Variants in ZNF146 observed in about 807,000 individuals in gnomAD.
ZNF146 encodes zinc finger protein OZF.
ZNF146 carries 9 observed loss-of-function variants against 22.2 expected under a neutral mutation model. That is an observed-to-expected ratio of 0.41 (90% CI 0.24 to 0.71). ZNF146 has a LOEUF of 0.71. ZNF146 is among the 30% of genes least tolerant of loss of function. The pLI is 0.34. For missense variants in ZNF146, 194 were observed against 344.8 expected (o/e 0.56, Z 3.46); for synonymous variants, 108 against 119.2 (o/e 0.91, Z 0.61).
At chr19:36,221,920 T>C (rs1010491853) in intron 2 of ZNF146, among the ~76,000 whole-genome samples, 21 of 135,630 alleles carry the variant, frequency 1.5e-4, no homozygotes, top group African/African-American at 5.0e-4. Flanking sequence ...CCCTTCCTTT[T>C]TTCTTTCTTT....
chr19:36,228,602 G>A (rs527839063), intron 2 of ZNF146, 146 bp from the exon 3 acceptor site: 4 of 152,362 alleles, frequency 2.6e-5, no homozygotes, highest in Non-Finnish European at 5.9e-5. Flanking sequence ...CACTAAGGCA[G>A]AAGGTCATTA....
At chr19:36,221,838 C>T (rs1299560665) in intron 2 of ZNF146, among the ~76,000 whole-genome samples, 1 of 151,242 alleles carries the variant, frequency 6.6e-6, no homozygotes, top group Non-Finnish European at 1.5e-5. Context: ...CTCCACCTTA[C>T]ATAAAAGATA....
At chr19:36,228,158 C>CAAAAAAAAAAAAAAAA (rs71171422) in intron 2 of ZNF146, among the ~76,000 whole-genome samples, 1 of 106,644 alleles carries the variant, frequency 9.4e-6, no homozygotes. Context: ...GAAACTGTCT[C>CAAAAAAAAAAAAAAAA]AAAAAAAAAA....
intron 2 of ZNF146, among the ~76,000 whole-genome samples, chr19:36,222,873 GT>G (rs1271555169): frequency 7.8e-6 from 1 of 128,220 alleles, no homozygotes; most frequent in African/African-American, 2.8e-5. Flanking sequence ...AAGAGGTTTT[GT>G]TTTAATTTAG....
chr19:36,219,121 T>C (rs1024601848), intron 2 of ZNF146, among the ~76,000 whole-genome samples: 1 of 152,196 alleles, frequency 6.6e-6, no homozygotes, highest in African/African-American at 2.4e-5. Context: ...TAAAATTTTC[T>C]GTGGATATTT....
intron 1 of ZNF146, among the ~76,000 whole-genome samples, chr19:36,215,452 G>C (rs1375892710): frequency 6.6e-6 from 1 of 152,162 alleles, no homozygotes; most frequent in Non-Finnish European, 1.5e-5. Context: ...CTAAGAGGGA[G>C]ATGTAGGAGA....
chr19:36,226,180 C>G (rs532104965), intron 2 of ZNF146, among the ~76,000 whole-genome samples: 37 of 152,312 alleles, frequency 2.4e-4, no homozygotes, highest in African/African-American at 8.7e-4. Flanking sequence ...TATCCAACTG[C>G]CTAATCGATC....
intron 3 of ZNF146, among the ~76,000 whole-genome samples, chr19:36,232,336 G>C (rs1977418353): frequency 6.6e-6 from 1 of 151,732 alleles, no homozygotes. Flanking sequence ...CTTGAATTCA[G>C]TTTTCATTAA....
chr19:36,233,807 G>T (rs1440740754), intron 3 of ZNF146, among the ~76,000 whole-genome samples: 1 of 152,202 alleles, frequency 6.6e-6, no homozygotes, highest in Non-Finnish European at 1.5e-5. Context: ...GCTTTACACG[G>T]AGACATTCCA....
chr19:36,218,912 C>CA (rs966817825), intron 2 of ZNF146, among the ~76,000 whole-genome samples: 6 of 151,810 alleles, frequency 4.0e-5, no homozygotes, highest in African/African-American at 1.5e-4. Context: ...AGGTTCACGC[C>CA]ATTCTCCAGC....
chr19:36,234,207 G>A (rs1439701375), intron 3 of ZNF146, among the ~76,000 whole-genome samples: 2 of 152,166 alleles, frequency 1.3e-5, no homozygotes, highest in African/African-American at 4.8e-5. Flanking sequence ...TGGGGGTAGG[G>A]TTACAGATTA....
chr19:36,236,617 C>G lies in ZNF146; in HGVS notation c.177C>G (p.Val59=), dbSNP rs746024987. 6.2e-7 allele frequency: 1 copy of G among 1,614,074 alleles called. No homozygotes were observed. The highest frequency in any genetic ancestry group is 1.1e-5 in the South Asian group (1 of 91,064). Residue 59 remains valine (V), a synonymous_variant, in exon 4 of 4, where the codon GTC becomes GTG. Coordinates refer to ENST00000443387, the MANE Select transcript of ZNF146 (RefSeq NM_007145.3). ...CGKAFSQKQY[V]IKHQNTHTGE... ...AAGCCTTTAGCCAAAAGCAGTATGT[C>G]ATTAAACATCAGAACACCCATACTG...
intron 2 of ZNF146, among the ~76,000 whole-genome samples, chr19:36,221,634 T>G (rs1410304829): frequency 1.3e-5 from 2 of 152,200 alleles, no homozygotes; most frequent in African/African-American, 2.4e-5. Flanking sequence ...TTGAAGTAAG[T>G]AATGCATTTC....
At chr19:36,224,515 G>A (rs910169853) in intron 2 of ZNF146, among the ~76,000 whole-genome samples, 1 of 152,220 alleles carries the variant, frequency 6.6e-6, no homozygotes, top group African/African-American at 2.4e-5. Flanking sequence ...TAGCCCAGGT[G>A]TAACAACCAG....
At chr19:36,217,256 T>C (rs1245527687) in intron 1 of ZNF146, among the ~76,000 whole-genome samples, 1 of 151,104 alleles carries the variant, frequency 6.6e-6, no homozygotes, top group Non-Finnish European at 1.5e-5. Context: ...AGAGACAGGG[T>C]TTTACCATGT....
Position 36,236,458 on chromosome 19 carries a change from G to C in ZNF146, c.18G>C (p.Gln6His), listed in dbSNP as rs758929215. 1 of 1,606,128 alleles carries C rather than the reference G, an allele frequency of 6.2e-7. No homozygotes were observed. Among genetic ancestry groups the C allele is most frequent in the Non-Finnish European group, 8.5e-7 (1 of 1,175,626 alleles). The change falls in exon 4 of 4, where the codon CAG (glutamine) becomes CAC (histidine). Residue 6 changes from glutamine to histidine, a missense_variant. Coordinates refer to ENST00000443387, the MANE Select transcript of ZNF146 (RefSeq NM_007145.3). MSHLS[Q>H]QRIYSGENPF... ...CCATTCAGATGTCACACCTCAGCCA[G>C]CAGAGAATTTACAGTGGGGAAAACC...
At chr19:36,217,466 A>T (rs1976659928) in intron 1 of ZNF146, among the ~76,000 whole-genome samples, 1 of 152,182 alleles carries the variant, frequency 6.6e-6, no homozygotes, top group Non-Finnish European at 1.5e-5. Flanking sequence ...ACAACAAAAT[A>T]ATACATAGCT....
intron 2 of ZNF146, among the ~76,000 whole-genome samples, chr19:36,218,620 C>T (rs1976711566): frequency 1.3e-5 from 2 of 151,700 alleles, no homozygotes; most frequent in Admixed American, 1.3e-4. Flanking sequence ...TGCCAGCCAC[C>T]ACGCCTGGCT....
At chr19:36,228,388 G>T (rs932392583) in intron 2 of ZNF146, 1 of 152,178 alleles carries the variant, frequency 6.6e-6, no homozygotes, top group Admixed American at 6.5e-5. Context: ...ACCCTGAGTG[G>T]GAGTGTGGTG....
Sources: gnomAD v4.1 joint callset for allele counts (sites outside exome capture counted in the v4.1 genomes callset) on GRCh38, gnomAD v4.1.1 for gene constraint, MANE v1.5 for transcripts, NCBI Gene and HGNC (gene_info 2026-07-23, HGNC 2026-07-21) for gene names.